FAP: variants seen among roughly 807,000 people sequenced by gnomAD.
FAP encodes the protein fibroblast activation protein alpha, also known as prolyl endopeptidase FAP.
A neutral mutation model predicts 126.5 loss-of-function variants in FAP; 110 were observed. The observed-to-expected ratio is 0.87, with a 90% CI of 0.74 to 1.02. FAP has a LOEUF of 1.02. Among genes scored for constraint, FAP ranks in the 50% least tolerant of loss-of-function variants. FAP has a pLI of 0.00. For missense variants in FAP, 919 were observed against 909.2 expected, an observed-to-expected ratio of 1.01 and a Z score of -0.14; for synonymous variants, 334 against 297.3, an observed-to-expected ratio of 1.12 and a Z score of -1.27.
At chr2:162,173,683 A>G (rs756043431) in intron 23 of FAP, 40 bp downstream of exon 23, 1 of 1,304,722 alleles carries the variant, frequency 7.7e-7, no homozygotes. Flanking sequence ...TTAGCATATT[A>G]GAAATTAATT....
chr2:162,218,245 G>A (rs1224275789), intron 8 of FAP, 105 bp from the exon 9 acceptor site: 2 of 770,574 alleles, frequency 2.6e-6, no homozygotes, highest in East Asian at 6.0e-5. Flanking sequence ...TTTATTTAAT[G>A]TGGATGTGAC....
intron 10 of FAP, among the ~76,000 whole-genome samples, chr2:162,214,972 A>G (rs1336998245): frequency 6.6e-6 from 1 of 152,162 alleles, no homozygotes; most frequent in African/African-American, 2.4e-5. Flanking sequence ...CTGTTCAAAC[A>G]AGCCTCTGGA....
chr2:162,206,195 AT>A, intron 12 of FAP, among the ~76,000 whole-genome samples: 1 of 152,106 alleles, frequency 6.6e-6, no homozygotes, highest in South Asian at 2.1e-4. Flanking sequence ...GTCCACATTC[AT>A]TTTGCTAGAG....
At chr2:162,174,169 G>A (rs550429352) in intron 22 of FAP, among the ~76,000 whole-genome samples, 36 of 152,168 alleles carry the variant, frequency 2.4e-4, no homozygotes, top group African/African-American at 8.7e-4. Flanking sequence ...TTTTACTGGT[G>A]TCTTATTTCA....
rs1483507135 is a variant in FAP at position 162,205,659 on chromosome 2, A to G, written c.1048-2514T>C. Among the ~76,000 whole-genome samples, 8 of 152,162 alleles carry G rather than the reference A, an allele frequency of 5.3e-5. No individual in the cohort carries two copies. The East Asian group carries it at 1.4e-3, about 26-fold the overall frequency. On this transcript the variant is annotated intron_variant, in intron 12 of 25. Transcript: ENST00000188790. ...CTCCCAAGTAGCTGGGATTACAGGCATGCACCACCACCCCCGGCTAGTTTT... is the reference window on the plus strand; with the variant it reads ...CTCCCAAGTAGCTGGGATTACAGGCGTGCACCACCACCCCCGGCTAGTTTT...
chr2:162,194,792 A>C (rs200787661), intron 16 of FAP, 44 bp from the exon 17 acceptor site: 3 of 1,576,358 alleles, frequency 1.9e-6, no homozygotes, highest in African/African-American at 1.3e-5. Flanking sequence ...GTGTTAAAAT[A>C]ACAATTCCTT....
intron 12 of FAP, among the ~76,000 whole-genome samples, chr2:162,207,605 C>T (rs578253623): frequency 3.9e-5 from 6 of 152,144 alleles, no homozygotes; most frequent in Admixed American, 2.6e-4. Flanking sequence ...AAAAGTTCTA[C>T]AGCTGGGCTG....
rs920407442 is a variant in FAP, at chr2:162,173,049, A to G, written c.2107+100T>C. On this transcript the variant is annotated intron_variant, in intron 24 of 25. Coordinates refer to ENST00000188790, the MANE Select transcript of FAP (RefSeq NM_004460.5). ...ATGGAAATGTCCCTGACTCTTAGGT[A>G]CTGACCCTGAGCATAGGCATAGGAG... 5.0e-6 allele frequency: 6 copies of G among 1,205,566 alleles called. No homozygotes were observed. In the African/African-American group the frequency reaches 7.5e-5, roughly 15 times the overall value. The allele number at this position is 1,205,566 out of a possible 1,614,324, so 74.7% of individuals were successfully genotyped here.
intron 12 of FAP, among the ~76,000 whole-genome samples, chr2:162,204,871 A>G (rs1463514572): frequency 6.6e-6 from 1 of 152,188 alleles, no homozygotes; most frequent in Non-Finnish European, 1.5e-5. Context: ...GGCTGTCTCT[A>G]TAATTTGAGT....
intron 21 of FAP, among the ~76,000 whole-genome samples, chr2:162,177,921 A>G (rs114710092): frequency 2.6e-4 from 40 of 152,292 alleles, no homozygotes; most frequent in African/African-American, 9.6e-4. Context: ...GCATTTCACA[A>G]TGAGGAAACT....
intron 22 of FAP, 36 bp from the exon 23 acceptor site, chr2:162,173,823 T>G: frequency 7.5e-7 from 1 of 1,335,474 alleles, no homozygotes; most frequent in African/African-American, 1.4e-5. Flanking sequence ...TGTTTGCATG[T>G]GATGAATGTC....
chr2:162,181,595 T>G (rs1687698153), intron 21 of FAP, among the ~76,000 whole-genome samples: 1 of 152,194 alleles, frequency 6.6e-6, no homozygotes, highest in South Asian at 2.1e-4. Context: ...TAACTTATTT[T>G]GGAATCCTCC....
chr2:162,212,994 T>A (rs1689005879), intron 11 of FAP, among the ~76,000 whole-genome samples: 1 of 152,206 alleles, frequency 6.6e-6, no homozygotes, highest in South Asian at 2.1e-4. Flanking sequence ...TTAGTACATG[T>A]CGGGTACTGT....
chr2:162,193,033 G>T (rs1688109978), intron 17 of FAP, among the ~76,000 whole-genome samples: 1 of 152,012 alleles, frequency 6.6e-6, no homozygotes, highest in Admixed American at 6.6e-5. Flanking sequence ...TGAGGACAAG[G>T]ACATCGTCTA....
intron 21 of FAP, among the ~76,000 whole-genome samples, chr2:162,180,320 T>A (rs1687654196): frequency 6.6e-6 from 1 of 152,160 alleles, no homozygotes; most frequent in African/African-American, 2.4e-5. Flanking sequence ...TTGGAGCTTG[T>A]GAAGCCAAAG....
At chr2:162,228,293 C>A (rs1689745047) in intron 2 of FAP, among the ~76,000 whole-genome samples, 1 of 152,098 alleles carries the variant, frequency 6.6e-6, no homozygotes, top group African/African-American at 2.4e-5. Context: ...TTATGAGGTA[C>A]TGGACTAGAA....
chr2:162,170,994 G>C lies in FAP; in HGVS notation c.2268C>G (p.Phe756Leu). ...THMTHFLKQC[F>L]SLSD ...TGCATCGTTTTTAGTCTGACAAAGA[G>C]AAACACTGCTTTAGGAAGTGGGTCA... Residue 756 changes from phenylalanine to leucine, a missense_variant, in exon 26 of 26, where the codon TTC becomes TTG. Physicochemically the swap from Phe to Leu is conservative, Grantham distance 22. Transcript: ENST00000188790. 1.2e-6 allele frequency: 2 copies of C among 1,613,078 alleles called. No individual in the cohort carries two copies. Among genetic ancestry groups the C allele is most frequent in the Non-Finnish European group, 1.7e-6 (2 of 1,179,206 alleles).
chr2:162,213,392 CA>C (rs1386245442), intron 11 of FAP, among the ~76,000 whole-genome samples: 2 of 142,416 alleles, frequency 1.4e-5, no homozygotes, highest in African/African-American at 2.6e-5. Context: ...AAACAAAAAA[CA>C]AAAAAACAAA....
rs749792789 is a variant in FAP, at chr2:162,226,555, G to A, written c.158C>T (p.Ser53Phe). 3.8e-6 allele frequency: 6 copies of A among 1,591,934 alleles called. No individual in the cohort carries two copies. In the South Asian group the frequency reaches 6.9e-5, roughly 18 times the overall value. ...CCAGTTTGGAAAAAATGTTTTATAA[G>A]AAAATGTTCCATTTAAAATATCCTT... is the stretch of plus-strand genomic sequence containing the variant. ...TLKDILNGTF[S>F]YKTFFPNWIS... The change falls in exon 3 of 26, where the codon TCT becomes TTT. Residue 53 changes from serine (S) to phenylalanine (F), a missense_variant. Physicochemically the swap from Ser to Phe is radical, Grantham distance 155 (BLOSUM62 -2). Transcript: ENST00000188790.
Sources: gnomAD v4.1 joint callset for allele counts (sites outside exome capture counted in the v4.1 genomes callset) on GRCh38, gnomAD v4.1.1 for gene constraint, MANE v1.5 for transcripts, NCBI Gene and HGNC (gene_info 2026-07-23, HGNC 2026-07-21) for gene names.